ADGRA2: variants seen among roughly 807,000 people sequenced by gnomAD.
ADGRA2 encodes the protein adhesion G protein-coupled receptor A2, also known as G-protein coupled receptor 124.
In ADGRA2, 61 loss-of-function variants were observed where a neutral mutation model predicts 98.7. The ratio of observed to expected loss-of-function variants is 0.62; its 90% CI spans 0.50 to 0.76. ADGRA2 has a LOEUF of 0.76. Ranked by LOEUF, ADGRA2 falls within the 30% of genes least tolerant of loss-of-function variation. The pLI is 0.00. For synonymous variants in ADGRA2, 858 were observed against 831.5 expected (o/e 1.03, Z -0.55); for missense variants, 1,712 against 1,860.0 (o/e 0.92, Z 1.46).
At position 37,834,250 on chromosome 8, in the gene ADGRA2, T is replaced by C; in HGVS notation, c.1608+122T>C. ...GCAGACGTGACAAAGTTCTGAGCCA[T>C]GGGGTTCACTTCCAAGTTGTCAGGG... On this transcript the variant is annotated intron_variant, in intron 11 of 18. Coordinates refer to ENST00000412232, the MANE Select transcript of ADGRA2 (RefSeq NM_032777.10). The surrounding 1 kb of genome is among the most constrained non-coding windows in gnomAD (Gnocchi z 4.2). 2.1e-6 allele frequency: 2 copies of C among 940,994 alleles called. No individual in the cohort carries two copies. Among genetic ancestry groups the C allele is most frequent in the African/African-American group, 1.6e-5 (1 of 60,914 alleles). 58.3% of individuals were successfully genotyped at this position (940,994 alleles called of 1,614,324 possible). A position where few individuals can be genotyped will look rare whatever the true frequency, so the allele number is the denominator to read the frequency against.
At position 37,834,086 on chromosome 8, in the gene ADGRA2, TG is replaced by T. The variant is rs760256806; in HGVS notation, c.1573del (p.Ala525ProfsTer12). On this transcript the variant is annotated frameshift_variant, in exon 11 of 19. Coordinates refer to ENST00000412232, the MANE Select transcript of ADGRA2 (RefSeq NM_032777.10). LOFTEE classifies it high-confidence loss of function. The surrounding 1 kb of genome is among the most constrained non-coding windows in gnomAD (Gnocchi z 4.2). ...SRIVGALERI[G>X]GAALSPHAQH... ...GCATCGTGGGTGCCCTGGAGCGCAT[TG>T]GGGGGGCCGCCCTCAGCCCCCATGC... 1.2e-6 allele frequency: 2 copies of T among 1,612,296 alleles called. No individual in the cohort carries two copies. The highest frequency in any genetic ancestry group is 1.7e-6 in the Non-Finnish European group (2 of 1,179,810).
At chr8:37,811,202 T>C (rs1351808749) in intron 1 of ADGRA2, among the ~76,000 whole-genome samples, 2 of 121,556 alleles carry the variant, frequency 1.6e-5, no homozygotes, top group Non-Finnish European at 3.2e-5. Context: ...GGAGTTTCAC[T>C]CTTGTCACCC....
At position 37,842,618 on chromosome 8, in the gene ADGRA2, T is replaced by C; in HGVS notation, c.*263T>C. 1 of 452,126 alleles carries C rather than the reference T, an allele frequency of 2.2e-6. No homozygotes were observed. The highest frequency in any genetic ancestry group is 3.6e-6 in the Non-Finnish European group (1 of 274,262). 28.0% of individuals were successfully genotyped at this position (452,126 alleles called of 1,614,324 possible). ...TGCCCTCCCAGGAACGGGGAAGGCC[T>C]CCGTCTGTGTGAAAGGGCACAGCAC... is the stretch of plus-strand genomic sequence containing the variant. On this transcript the variant is annotated 3_prime_UTR_variant, in exon 19 of 19. Coordinates refer to ENST00000412232, the MANE Select transcript of ADGRA2 (RefSeq NM_032777.10).
intron 2 of ADGRA2, among the ~76,000 whole-genome samples, chr8:37,815,389 G>T (rs1804949903): frequency 6.6e-6 from 1 of 152,248 alleles, no homozygotes; most frequent in African/African-American, 2.4e-5. Flanking sequence ...AGCCCCAAGG[G>T]GGCTGAGGGT....
Position 37,830,858 on chromosome 8 carries a change from G to A in ADGRA2, c.867G>A (p.Glu289=). The A allele has an allele frequency of 6.3e-7, 1 of 1,595,116 alleles. No homozygotes were observed. Among genetic ancestry groups the A allele is most frequent in the Non-Finnish European group, 8.5e-7 (1 of 1,171,006 alleles). ...IRWYHNRAPV[E]GDEQAGILLA... is the part of the protein sequence containing the mutation. ...GGTACCACAACCGAGCCCCTGTGGA[G>A]GGTGATGAGCAGGCGGGCATCCTCC... is the stretch of plus-strand genomic sequence containing the variant. Residue 289 remains glutamate (E), a synonymous_variant, in exon 7 of 19, where the codon GAG becomes GAA. Transcript: ENST00000412232. The surrounding 1 kb of genome is among the most constrained non-coding windows in gnomAD (Gnocchi z 4.8).
At chr8:37,826,382 C>A (rs1341084829) in intron 2 of ADGRA2, among the ~76,000 whole-genome samples, 1 of 152,138 alleles carries the variant, frequency 6.6e-6, no homozygotes, top group Non-Finnish European at 1.5e-5. Context: ...GGATACTTAT[C>A]CTGCATCCCT....
intron 4 of ADGRA2, 42 bp from the exon 5 acceptor site, chr8:37,829,446 A>G: frequency 6.4e-7 from 1 of 1,568,206 alleles, no homozygotes. Flanking sequence ...CGGCCCATGG[A>G]CACCCTAAGA....
At chr8:37,821,714 A>C (rs984751141) in intron 2 of ADGRA2, among the ~76,000 whole-genome samples, 3 of 152,204 alleles carry the variant, frequency 2.0e-5, no homozygotes. Context: ...GCTAAAGGAA[A>C]GAGTCTGGGA....
chr8:37,799,255 A>T (rs1804430431), intron 1 of ADGRA2, among the ~76,000 whole-genome samples: 1 of 152,090 alleles, frequency 6.6e-6, no homozygotes, highest in South Asian at 2.1e-4. Context: ...CGCGCCTGTA[A>T]TCCCAGCTAC....
Position 37,844,350 on chromosome 8 carries a change from CAACT to C in ADGRA2, c.*1998_*2001del. 2.7e-6 allele frequency: 3 copies of C among 1,115,386 alleles called. No homozygotes were observed. The highest frequency in any genetic ancestry group is 3.9e-6 in the Non-Finnish European group (3 of 776,342). 69.1% of individuals were successfully genotyped at this position (1,115,386 alleles called of 1,614,324 possible). A position where few individuals can be genotyped will look rare whatever the true frequency, so the allele number is the denominator to read the frequency against. ...TGACTTTACTCCAGGACCCAGGGTC[CAACT>C]AATGGCAGAGCCCCTCTTGGTTCCT... On this transcript the variant is annotated 3_prime_UTR_variant, in exon 19 of 19. Coordinates refer to ENST00000412232, the MANE Select transcript of ADGRA2 (RefSeq NM_032777.10).
chr8:37,809,194 G>A (rs1804757508), intron 1 of ADGRA2, among the ~76,000 whole-genome samples: 1 of 151,870 alleles, frequency 6.6e-6, no homozygotes, highest in African/African-American at 2.4e-5. Context: ...TCCTGGGGAG[G>A]CCAAGGTGAG....
intron 3 of ADGRA2, 65 bp downstream of exon 3, chr8:37,829,024 C>A: frequency 1.8e-6 from 2 of 1,137,204 alleles, no homozygotes; most frequent in Non-Finnish European, 2.5e-6. Flanking sequence ...ACCCCTCCTG[C>A]TCCATGCCCA....
chr8:37,805,387 T>A (rs1159830991), intron 1 of ADGRA2, among the ~76,000 whole-genome samples: 1 of 152,184 alleles, frequency 6.6e-6, no homozygotes, highest in Admixed American at 6.5e-5. Flanking sequence ...AAGATGAGTA[T>A]CTGCGTAGGT....
chr8:37,840,138 C>T lies in ADGRA2; in HGVS notation c.2529C>T (p.His843=), dbSNP rs1461173547. Residue 843 remains histidine, a synonymous_variant, in exon 17 of 19, where the codon CAC becomes CAT. Coordinates refer to ENST00000412232, the MANE Select transcript of ADGRA2 (RefSeq NM_032777.10). ...CCCCGCAGGTGGGCATCACCCTGCACTACTCCTCCCTATCCACGCTGCTCT... is the reference window on the plus strand; with the variant it reads ...CCCCGCAGGTGGGCATCACCCTGCATTACTCCTCCCTATCCACGCTGCTCT... ...MVCQAVGITL[H]YSSLSTLLWM... 1 of 1,605,158 alleles carries T rather than the reference C, an allele frequency of 6.2e-7. No homozygotes were observed. The highest frequency in any genetic ancestry group is 1.1e-5 in the South Asian group (1 of 90,856).
chr8:37,816,927 AACACAC>A (rs3050620), intron 2 of ADGRA2, among the ~76,000 whole-genome samples: 3,180 of 131,930 alleles, frequency 0.024, 119 homozygotes, highest in African/African-American at 0.082. Context: ...AAGAAAGCAA[AACACAC>A]ACACACACAC....
At position 37,841,721 on chromosome 8, in the gene ADGRA2, C is replaced by A; in HGVS notation, c.3383C>A (p.Pro1128Gln). The change falls in exon 19 of 19, where the codon CCG becomes CAG. Residue 1128 changes from proline to glutamine, a missense_variant. Transcript: ENST00000412232. This position sits in a 1 kb window ranked among gnomAD's most constrained non-coding sequence, Gnocchi z 5.0. Reference protein sequence around the residue: ...KSSPSGSSGHPLALGPCKLTN... With the variant: ...KSSPSGSSGHQLALGPCKLTN... ...TCCCCAAGCGGCAGCAGCGGCCATC[C>A]GCTGGCTCTGGGCCCCTGCAAGCTC... 6.5e-7 allele frequency: 1 copy of A among 1,542,218 alleles called. No homozygotes were observed. The highest frequency in any genetic ancestry group is 8.7e-7 in the Non-Finnish European group (1 of 1,144,264).
In ADGRA2 at chr8:37,835,545, TC is replaced by T; in HGVS notation, c.1834-3del. 1.3e-6 allele frequency: 2 copies of T among 1,580,406 alleles called. No individual in the cohort carries two copies. Among genetic ancestry groups the T allele is most frequent in the Non-Finnish European group, 1.7e-6 (2 of 1,149,514 alleles). ...CTGGTGTCTCTGAGGAGCTCCTATG[TC>T]CCCCCAGAACAGCGTGGCCCTGGCC... On this transcript the variant is annotated splice_polypyrimidine_tract_variant and splice_region_variant and intron_variant, in intron 12 of 18. Transcript: ENST00000412232.
intron 11 of ADGRA2, 135 bp from the exon 12 acceptor site, chr8:37,835,033 AAAAGAG>A (rs1422715746): frequency 5.6e-5 from 35 of 626,670 alleles, no homozygotes; most frequent in Non-Finnish European, 9.4e-5. Flanking sequence ...TCTAAAAAAA[AAAAGAG>A]AGAGAGGTGG....
rs1193589254 is a variant in ADGRA2 at position 37,841,810 on chromosome 8, G to A, written c.3472G>A (p.Glu1158Lys). The change falls in exon 19 of 19, where the codon GAG becomes AAG. Residue 1158 changes from glutamate (E) to lysine (K), a missense_variant. Transcript: ENST00000412232. The surrounding 1 kb of genome is among the most constrained non-coding windows in gnomAD (Gnocchi z 5.0). Reference sequence around the variant, plus strand: ...GGGGGCGGCGGCCGGCGGGGAAGGAGAGCCGGAGCCGGCGGGCACCCGGGG... The same window carrying A: ...GGGGGCGGCGGCCGGCGGGGAAGGAAAGCCGGAGCCGGCGGGCACCCGGGG... Reference protein sequence around the residue: ...EAGAAAGGEGEPEPAGTRGNL... With the variant: ...EAGAAAGGEGKPEPAGTRGNL... 6.5e-7 allele frequency: 1 copy of A among 1,530,604 alleles called. No individual in the cohort carries two copies. Among genetic ancestry groups the A allele is most frequent in the African/African-American group, 1.4e-5 (1 of 72,070 alleles). The allele number at this position is 1,530,604 out of a possible 1,614,324, so 94.8% of individuals were successfully genotyped here.
Sources: allele counts gnomAD v4.1 joint callset (sites outside exome capture counted in the v4.1 genomes callset), GRCh38; gene constraint gnomAD v4.1.1; non-coding constraint Gnocchi (gnomAD v3.1); transcripts MANE v1.5; gene names NCBI Gene and HGNC (gene_info 2026-07-23, HGNC 2026-07-21).